GPHN: variants seen among roughly 807,000 people sequenced by gnomAD.
The protein encoded by GPHN is gephyrin.
In GPHN, 17 loss-of-function variants were observed where a neutral mutation model predicts 95.5. The observed-to-expected ratio is 0.18, with a 90% confidence interval of 0.12 to 0.27. The LOEUF (loss-of-function observed/expected upper bound fraction) is 0.27. GPHN is among the 10% of genes least tolerant of loss of function. The probability of loss-of-function intolerance (pLI) is 1.00; values close to 1 mark genes in which losing one functional copy is unlikely to be tolerated. For missense variants in GPHN, 660 were observed against 978.1 expected (o/e 0.67, Z 4.34); for synonymous variants, 320 against 322.5 (o/e 0.99, Z 0.08).
chr14:67,017,097 T>G (rs1480114452), intron 9 of GPHN, among the ~76,000 whole-genome samples: 1 of 152,092 alleles, frequency 6.6e-6, no homozygotes, highest in Non-Finnish European at 1.5e-5. Context: ...GGACATCCTC[T>G]TTATCATGCT....
intron 2 of GPHN, among the ~76,000 whole-genome samples, chr14:66,734,590 A>G (rs962000290): frequency 1.3e-5 from 2 of 152,208 alleles, no homozygotes; most frequent in Non-Finnish European, 2.9e-5. Flanking sequence ...GAAAGCTATG[A>G]ATTCATTCCA....
At chr14:66,683,331 T>A (rs1245387883) in intron 2 of GPHN, among the ~76,000 whole-genome samples, 4 of 15,588 alleles carry the variant, frequency 2.6e-4, no homozygotes, top group East Asian at 2.3e-3. Context: ...AATGTGGAAA[T>A]ATATATATAT....
chr14:67,726,830 C>T, the GPHN span: 1 of 716,120 alleles, frequency 1.4e-6, no homozygotes, highest in African/African-American at 1.7e-5. Context: ...TCCACAAACT[C>T]AGACCAAACT....
intron 5 of GPHN, among the ~76,000 whole-genome samples, chr14:66,897,003 TTTTATA>T (rs2064887998): frequency 6.6e-6 from 1 of 152,134 alleles, no homozygotes; most frequent in Non-Finnish European, 1.5e-5. Context: ...CATATGAAAA[TTTTATA>T]TTTATATCTG....
chr14:67,240,627 T>C, the GPHN span, among the ~76,000 whole-genome samples: 1 of 152,200 alleles, frequency 6.6e-6, no homozygotes, highest in Admixed American at 6.5e-5. Flanking sequence ...ACATTGCTGG[T>C]GTTTCTCCTT....
At chr14:67,600,390 C>G in the GPHN span, 7 of 545,514 alleles carry the variant, frequency 1.3e-5, no homozygotes, top group Non-Finnish European at 2.2e-5. Flanking sequence ...CCGGGCCGGC[C>G]TTGACTGTCT....
At chr14:66,740,593 A>G (rs1490532696) in intron 2 of GPHN, among the ~76,000 whole-genome samples, 1 of 150,882 alleles carries the variant, frequency 6.6e-6, no homozygotes, top group Non-Finnish European at 1.5e-5. Flanking sequence ...AAAAAGTGGT[A>G]CTTAGTGATG....
the GPHN span, among the ~76,000 whole-genome samples, chr14:67,707,751 A>T: frequency 2.0e-5 from 3 of 152,210 alleles, no homozygotes; most frequent in Non-Finnish European, 4.4e-5. Flanking sequence ...CCAGCCGTGG[A>T]TTTGTGCTAT....
chr14:66,522,810 CT>C (rs2058536103), intron 1 of GPHN, among the ~76,000 whole-genome samples: 3 of 145,478 alleles, frequency 2.1e-5, no homozygotes, highest in Non-Finnish European at 4.5e-5. Context: ...CTTTTTTTTC[CT>C]GTTAAAATGT....
the GPHN span, among the ~76,000 whole-genome samples, chr14:67,493,297 C>A: frequency 6.6e-6 from 1 of 152,200 alleles, no homozygotes; most frequent in Non-Finnish European, 1.5e-5. Context: ...CAAGCATATG[C>A]CATCACCTGT....
At chr14:66,525,436 G>T (rs1185499286) in intron 1 of GPHN, among the ~76,000 whole-genome samples, 1 of 152,170 alleles carries the variant, frequency 6.6e-6, no homozygotes, top group Non-Finnish European at 1.5e-5. Context: ...CTCCCATTCT[G>T]TAGGTTGCCT....
At chr14:67,558,010 C>G in the GPHN span, among the ~76,000 whole-genome samples, 1 of 152,224 alleles carries the variant, frequency 6.6e-6, no homozygotes, top group Non-Finnish European at 1.5e-5. Flanking sequence ...CCTCAGAAAA[C>G]CAGGGTCTTC....
chr14:67,127,611 T>C (rs1481485064), intron 17 of GPHN, among the ~76,000 whole-genome samples: 1 of 152,186 alleles, frequency 6.6e-6, no homozygotes, highest in African/African-American at 2.4e-5. Context: ...TCCAAAATTA[T>C]ACCAAACTGC....
intron 2 of GPHN, among the ~76,000 whole-genome samples, chr14:66,753,903 AT>A (rs915067006): frequency 6.6e-6 from 1 of 152,056 alleles, no homozygotes; most frequent in African/African-American, 2.4e-5. Flanking sequence ...GTAACCACAA[AT>A]CTACTTCCTA....
chr14:67,120,018 T>C (rs571709916), intron 16 of GPHN, among the ~76,000 whole-genome samples: 4 of 151,020 alleles, frequency 2.6e-5, no homozygotes. Context: ...TAGTCCCAGA[T>C]AGGAAGCTGT....
the GPHN span, chr14:67,392,708 T>A: frequency 1.2e-6 from 2 of 1,613,918 alleles, no homozygotes; most frequent in African/African-American, 2.7e-5. Context: ...CTCGGCCAGA[T>A]CCCCAGAGCG....
At chr14:67,604,650 A>G in the GPHN span, among the ~76,000 whole-genome samples, 21,886 of 152,194 alleles carry the variant, frequency 0.14, 1,735 homozygotes, top group Admixed American at 0.21. Context: ...GGAGGCTACA[A>G]AAAGCTGTGA....
the GPHN span, among the ~76,000 whole-genome samples, chr14:67,224,467 A>G: frequency 6.6e-6 from 1 of 151,916 alleles, no homozygotes; most frequent in East Asian, 1.9e-4. Context: ...TCATTGTGTT[A>G]GCCAGGATGG....
chr14:67,278,255 C>T, the GPHN span, among the ~76,000 whole-genome samples: 9 of 151,754 alleles, frequency 5.9e-5, no homozygotes, highest in Admixed American at 2.0e-4. Flanking sequence ...GGCCAGGTCT[C>T]GAACTCCCGA....
Sources: allele counts gnomAD v4.1 joint callset (sites outside exome capture counted in the v4.1 genomes callset), GRCh38; gene constraint gnomAD v4.1.1; transcripts MANE v1.5; gene names NCBI Gene and HGNC (gene_info 2026-07-23, HGNC 2026-07-21).